ERAP1: variants seen among roughly 807,000 people sequenced by gnomAD.
ERAP1 encodes adipocyte-derived leucine aminopeptidase.
Under a neutral mutation model 103.7 loss-of-function variants are expected in ERAP1, and 86 were observed. The ratio of observed to expected loss-of-function variants is 0.83; its 90% CI spans 0.70 to 0.99. The LOEUF is 0.99. Among genes scored for constraint, ERAP1 ranks in the 50% least tolerant of loss-of-function variants. The pLI is 0.00. For synonymous variants in ERAP1, 398 were observed against 402.4 expected (o/e 0.99, Z 0.13); for missense variants, 1,009 against 1,128.4 (o/e 0.89, Z 1.52).
chr5:96,896,965 T>TAAGTCATATTTTGGGTAACGATAGACTG, the ERAP1 span: 1 of 987,684 alleles, frequency 1.0e-6, no homozygotes, highest in Non-Finnish European at 1.4e-6. Context: ...GTCAACCATA[T>TAAGTCATATTTTGGGTAACGATAGACTG]TTATTCTGCT....
the ERAP1 span, among the ~76,000 whole-genome samples, chr5:96,885,810 C>G: frequency 6.6e-6 from 1 of 152,176 alleles, no homozygotes; most frequent in African/African-American, 2.4e-5. Flanking sequence ...TGGTGAAGAC[C>G]ATCTCTGAGA....
At chr5:96,882,794 C>G in the ERAP1 span, among the ~76,000 whole-genome samples, 1 of 152,198 alleles carries the variant, frequency 6.6e-6, no homozygotes, top group African/African-American at 2.4e-5. Context: ...GTTTCCCAGC[C>G]TGTGTCATAG....
At chr5:96,912,606 T>C in the ERAP1 span, 43 of 1,565,936 alleles carry the variant, frequency 2.7e-5, no homozygotes, top group Non-Finnish European at 3.6e-5. Flanking sequence ...TTCATAAAAC[T>C]TTTTCTTCAT....
At chr5:96,779,094 A>G (rs1774782603) in intron 18 of ERAP1, among the ~76,000 whole-genome samples, 1 of 152,030 alleles carries the variant, frequency 6.6e-6, no homozygotes, top group South Asian at 2.1e-4. Flanking sequence ...CTCTATCCCA[A>G]TCACTCTCCT....
intron 15 of ERAP1, 80 bp downstream of exon 15, chr5:96,782,971 C>T (rs1775432032): frequency 6.9e-7 from 1 of 1,457,638 alleles, no homozygotes; most frequent in South Asian, 1.2e-5. Context: ...TTTTTGTTTT[C>T]CCTAATGTTT....
At chr5:96,857,511 T>A in the ERAP1 span, among the ~76,000 whole-genome samples, 1 of 152,004 alleles carries the variant, frequency 6.6e-6, no homozygotes, top group African/African-American at 2.4e-5. Context: ...AATAAAAAGC[T>A]AAAAATAAAA....
chr5:96,811,186 C>G (rs1351083556), upstream of ERAP1, among the ~76,000 whole-genome samples: 1 of 152,128 alleles, frequency 6.6e-6, no homozygotes, highest in East Asian at 1.9e-4. Flanking sequence ...TGCCAAGTTG[C>G]AGAGCAGGCT....
At chr5:96,778,730 G>C (rs934203251) in intron 18 of ERAP1, among the ~76,000 whole-genome samples, 1 of 152,206 alleles carries the variant, frequency 6.6e-6, no homozygotes, top group African/African-American at 2.4e-5. Flanking sequence ...AAGTGGCAAG[G>C]GGGAGGCCAG....
intron 5 of ERAP1, among the ~76,000 whole-genome samples, chr5:96,794,481 G>A (rs998896881): frequency 6.6e-5 from 10 of 152,088 alleles, no homozygotes; most frequent in Admixed American, 6.5e-5. Context: ...ATGAGCCACC[G>A]TGCCCGCCTT....
the ERAP1 span, among the ~76,000 whole-genome samples, chr5:96,850,886 G>A: frequency 6.6e-6 from 1 of 152,184 alleles, no homozygotes; most frequent in Admixed American, 6.5e-5. Flanking sequence ...CTAGGCCACT[G>A]CTTTCACAAC....
chr5:96,895,463 G>T, the ERAP1 span: 1 of 835,898 alleles, frequency 1.2e-6, no homozygotes. Flanking sequence ...ATAATGTTGT[G>T]GTTTTTGAAC....
chr5:96,761,154 T>C (rs1767820383), exon 20 of ERAP1: 1 of 152,214 alleles, frequency 6.6e-6, no homozygotes, highest in Non-Finnish European at 1.5e-5. Flanking sequence ...TATGCACATA[T>C]AGCTTTGCGA....
chr5:96,872,109 G>A, the ERAP1 span, among the ~76,000 whole-genome samples: 4 of 152,088 alleles, frequency 2.6e-5, no homozygotes, highest in Non-Finnish European at 5.9e-5. Flanking sequence ...ATTCTTAGAA[G>A]TATTTTTAAT....
At chr5:96,841,077 A>G in the ERAP1 span, among the ~76,000 whole-genome samples, 12 of 152,198 alleles carry the variant, frequency 7.9e-5, no homozygotes, top group African/African-American at 2.9e-4. Flanking sequence ...GGGTAGCTGA[A>G]GCATTAATCA....
chr5:96,768,754 A>G (rs967316252), intron 19 of ERAP1, among the ~76,000 whole-genome samples: 6 of 152,108 alleles, frequency 3.9e-5, no homozygotes, highest in African/African-American at 7.2e-5. Flanking sequence ...GCTTAGCCCA[A>G]CTGGTCTACT....
the ERAP1 span, among the ~76,000 whole-genome samples, chr5:96,872,852 G>GAC: frequency 2.0e-5 from 3 of 152,180 alleles, no homozygotes; most frequent in African/African-American, 7.2e-5. Flanking sequence ...ATTTAAATCT[G>GAC]TTGAGAACAC....
chr5:96,853,887 C>T, the ERAP1 span, among the ~76,000 whole-genome samples: 1 of 150,612 alleles, frequency 6.6e-6, no homozygotes, highest in East Asian at 1.9e-4. Context: ...TTTTCTGCAC[C>T]TTAGAAAAGT....
At chr5:96,869,429 G>A in the ERAP1 span, among the ~76,000 whole-genome samples, 2 of 151,660 alleles carry the variant, frequency 1.3e-5, no homozygotes, top group African/African-American at 4.8e-5. Flanking sequence ...CTGGATGAAA[G>A]TTGAGAATTA....
At chr5:96,841,005 G>A in the ERAP1 span, among the ~76,000 whole-genome samples, 47 of 152,270 alleles carry the variant, frequency 3.1e-4, no homozygotes, top group African/African-American at 1.1e-3. Context: ...CGCCCGGCCA[G>A]GCATTGGTCT....
Sources: allele counts gnomAD v4.1 joint callset (sites outside exome capture counted in the v4.1 genomes callset), GRCh38; gene constraint gnomAD v4.1.1; transcripts MANE v1.5; gene names NCBI Gene and HGNC (gene_info 2026-07-23, HGNC 2026-07-21).